AKAP6: variants seen among roughly 807,000 people sequenced by gnomAD.
The protein encoded by AKAP6 is A-kinase anchor protein 6.
A neutral mutation model predicts 188.5 loss-of-function variants in AKAP6; 58 were observed. The observed-to-expected ratio is 0.31, with a 90% confidence interval of 0.25 to 0.38. AKAP6 has a LOEUF of 0.38. Ranked by LOEUF, AKAP6 falls within the 10% of genes least tolerant of loss-of-function variation. AKAP6 has a pLI of 1.00. For missense variants in AKAP6, 2,710 were observed against 2,740.0 expected (o/e 0.99, Z 0.24); for synonymous variants, 989 against 998.6 (o/e 0.99, Z 0.18).
At chr14:32,343,138 A>C (rs1453475183) in intron 1 of AKAP6, among the ~76,000 whole-genome samples, 1 of 152,134 alleles carries the variant, frequency 6.6e-6, no homozygotes, top group African/African-American at 2.4e-5. Context: ...TCTGGGTTCA[A>C]ATCTCAGTCC....
At chr14:32,588,439 G>A (rs1885344832) in intron 5 of AKAP6, among the ~76,000 whole-genome samples, 1 of 152,148 alleles carries the variant, frequency 6.6e-6, no homozygotes, top group Non-Finnish European at 1.5e-5. Flanking sequence ...TCCCATTTGT[G>A]TCTGCCTAGA....
intron 1 of AKAP6, among the ~76,000 whole-genome samples, chr14:32,419,778 A>G (rs1279033812): frequency 6.6e-6 from 1 of 152,144 alleles, no homozygotes; most frequent in Non-Finnish European, 1.5e-5. Context: ...TATTAAAAAA[A>G]AATACAATGT....
chr14:32,820,084 T>A (rs2034481186), intron 12 of AKAP6, among the ~76,000 whole-genome samples: 1 of 152,132 alleles, frequency 6.6e-6, no homozygotes, highest in African/African-American at 2.4e-5. Flanking sequence ...TTACAGGCAA[T>A]GAGACTGTTG....
chr14:32,368,237 A>C (rs1262792249), intron 1 of AKAP6, among the ~76,000 whole-genome samples: 2 of 152,162 alleles, frequency 1.3e-5, no homozygotes, highest in African/African-American at 4.8e-5. Flanking sequence ...TAAGGGAGGA[A>C]TATCATCCCA....
At chr14:32,750,751 GT>G (rs1555359067) in intron 11 of AKAP6, among the ~76,000 whole-genome samples, 9 of 79,908 alleles carry the variant, frequency 1.1e-4, no homozygotes, top group African/African-American at 3.0e-4. Flanking sequence ...TTTTTTTTTT[GT>G]TTTTTTTTCA....
At chr14:32,510,010 A>C (rs1298692010) in intron 2 of AKAP6, among the ~76,000 whole-genome samples, 1 of 152,090 alleles carries the variant, frequency 6.6e-6, no homozygotes, top group Non-Finnish European at 1.5e-5. Context: ...AACAAAATGT[A>C]TTCTGGCTAC....
intron 2 of AKAP6, among the ~76,000 whole-genome samples, chr14:32,497,307 C>T (rs762208242): frequency 1.3e-5 from 2 of 152,072 alleles, no homozygotes; most frequent in African/African-American, 2.4e-5. Flanking sequence ...GTGAGAATCT[C>T]ATGTTGTATG....
At chr14:32,425,066 CA>C (rs1889984742) in intron 1 of AKAP6, among the ~76,000 whole-genome samples, 3 of 152,186 alleles carry the variant, frequency 2.0e-5, no homozygotes, top group African/African-American at 4.8e-5. Flanking sequence ...GGAATCACCA[CA>C]TTGACTTCCT....
At chr14:32,594,787 G>C (rs1885625112) in intron 5 of AKAP6, among the ~76,000 whole-genome samples, 1 of 152,116 alleles carries the variant, frequency 6.6e-6, no homozygotes. Context: ...TTTTCTTAGG[G>C]TAGTAAAAAT....
chr14:32,387,861 T>C (rs1275242680), intron 1 of AKAP6, among the ~76,000 whole-genome samples: 1 of 151,680 alleles, frequency 6.6e-6, no homozygotes, highest in Admixed American at 6.6e-5. Flanking sequence ...ACTGGCTTCA[T>C]AGAATGATTT....
chr14:32,744,708 C>A (rs374236907), intron 11 of AKAP6, among the ~76,000 whole-genome samples: 1 of 152,052 alleles, frequency 6.6e-6, no homozygotes, highest in Non-Finnish European at 1.5e-5. Flanking sequence ...CTTTCTATTC[C>A]TATCTCTCTA....
At position 32,540,192 on chromosome 14, in the gene AKAP6, A is replaced by ATATTTTTT. The variant is rs1406480125; in HGVS notation, c.576+4388_576+4389insATTTTTTT. ...TCTATATATATATATATATATATAT[A>ATATTTTTT]TTTTAATTTTTTATTTTTTTTTTTG... is the stretch of plus-strand genomic sequence containing the variant. On this transcript the variant is annotated intron_variant, in intron 3 of 13. Coordinates refer to ENST00000280979, the MANE Select transcript of AKAP6 (RefSeq NM_004274.5). Among the ~76,000 whole-genome samples the ATATTTTTT allele has an allele frequency of 4.4e-3, 547 of 123,252 alleles. 3 individuals carry two copies. Among genetic ancestry groups the ATATTTTTT allele is most frequent in the Non-Finnish European group, 6.9e-3 (406 of 58,898 alleles). The allele number at this position is 123,252 out of a possible 152,430, so 80.9% of individuals were successfully genotyped here. A position where few individuals can be genotyped will look rare whatever the true frequency, so the allele number is the denominator to read the frequency against.
intron 1 of AKAP6, among the ~76,000 whole-genome samples, chr14:32,349,478 A>T (rs369130273): frequency 4.1e-4 from 63 of 152,352 alleles, no homozygotes; most frequent in Middle Eastern, 3.4e-3. Flanking sequence ...TGTGGTCCTT[A>T]GCCTCAGAAA....
At position 32,546,468 on chromosome 14, in the gene AKAP6, A is replaced by T. The variant is rs989895450; in HGVS notation, c.1815A>T (p.Lys605Asn). Residue 605 changes from lysine to asparagine, a missense_variant, in exon 4 of 14, where the codon AAA becomes AAT. Lys to Asn is a moderately conservative substitution (Grantham distance 94). This residue lies in a region of AKAP6 where 2,473 missense variants were observed against 2,426.1 expected (regional missense o/e 1.02). Coordinates refer to ENST00000280979, the MANE Select transcript of AKAP6 (RefSeq NM_004274.5). ...TTCTTTCAAAACACAAAAGCAAAAA[A>T]GGTCAAGCCTCCTCTCCAAGTCACG... ...VPLLSKHKSK[K>N]GQASSPSHVT... 1.2e-6 allele frequency: 2 copies of T among 1,614,194 alleles called. No homozygotes were observed. The highest frequency in any genetic ancestry group is 8.5e-7 in the Non-Finnish European group (1 of 1,180,030).
At chr14:32,581,017 G>A (rs1340611927) in intron 5 of AKAP6, among the ~76,000 whole-genome samples, 1 of 152,146 alleles carries the variant, frequency 6.6e-6, no homozygotes, top group Admixed American at 6.5e-5. Flanking sequence ...AAACATACGT[G>A]TGCATGTGTC....
At chr14:32,591,471 C>G (rs1162609562) in intron 5 of AKAP6, among the ~76,000 whole-genome samples, 1 of 128,518 alleles carries the variant, frequency 7.8e-6, no homozygotes, top group East Asian at 2.5e-4. Flanking sequence ...TACTTTGCAC[C>G]AAAAAAAAAA....
At chr14:32,623,569 TA>T (rs1886896259) in intron 7 of AKAP6, among the ~76,000 whole-genome samples, 1 of 152,092 alleles carries the variant, frequency 6.6e-6, no homozygotes, top group African/African-American at 2.4e-5. Context: ...GCATTGCCCA[TA>T]AAAGCCTCAC....
chr14:32,809,908 TG>T (rs2034181180), intron 12 of AKAP6, among the ~76,000 whole-genome samples: 1 of 152,184 alleles, frequency 6.6e-6, no homozygotes, highest in Admixed American at 6.6e-5. Context: ...GGAGGTCACC[TG>T]GTATTTTATT....
rs1450008279 is a variant in AKAP6, at chr14:32,833,452, G to A, written c.*3647G>A. ...AAAAATCATCTGGATCTGACTACCA[G>A]AAAAAGTAAAGTGGTTTTAATTACA... is the stretch of plus-strand genomic sequence containing the variant. On this transcript the variant is annotated 3_prime_UTR_variant, in exon 14 of 14. Transcript: ENST00000280979. 2 of 152,116 alleles carry A rather than the reference G, an allele frequency of 1.3e-5. No individual in the cohort carries two copies. The highest frequency in any genetic ancestry group is 2.1e-4 in the South Asian group (1 of 4,834). 9.4% of individuals were successfully genotyped at this position (152,116 alleles called of 1,614,324 possible). A position where few individuals can be genotyped will look rare whatever the true frequency, so the allele number is the denominator to read the frequency against.
Sources: allele counts gnomAD v4.1 joint callset (sites outside exome capture counted in the v4.1 genomes callset), GRCh38; gene constraint gnomAD v4.1.1; regional missense constraint gnomAD v4.1.1; transcripts MANE v1.5; gene names NCBI Gene and HGNC (gene_info 2026-07-23, HGNC 2026-07-21).